Variants in OLA1 observed in about 807,000 individuals in gnomAD.
OLA1 encodes the protein Obg like ATPase 1, also known as obg-like ATPase 1.
A neutral mutation model predicts 48.4 loss-of-function variants in OLA1; 14 were observed. The observed-to-expected ratio is 0.29, with a 90% CI of 0.19 to 0.45. The LOEUF (loss-of-function observed/expected upper bound fraction) is 0.45, where lower values mean the gene tolerates loss of function less well. OLA1 is among the 20% of genes least tolerant of loss of function. The probability of loss-of-function intolerance (pLI) is 1.00; values close to 1 mark genes in which losing one functional copy is unlikely to be tolerated. For missense variants in OLA1, 325 were observed against 467.1 expected (o/e 0.70, Z 2.80); for synonymous variants, 127 against 150.4 (o/e 0.84, Z 1.14).
Position 174,100,832 on chromosome 2 carries a change from T to A in OLA1, c.729-18768A>T, listed in dbSNP as rs562247733. On this transcript the variant is annotated intron_variant, in intron 7 of 10. Transcript: ENST00000284719. ...GTTCCCCTATGCTCCCTTCCATGAATCCTCACCTTCTTTCCAAGTTGCTCT... is the reference window on the plus strand; with the variant it reads ...GTTCCCCTATGCTCCCTTCCATGAAACCTCACCTTCTTTCCAAGTTGCTCT... Among the ~76,000 whole-genome samples, 113 of 152,288 alleles carry A rather than the reference T, an allele frequency of 7.4e-4. 1 individual carries two copies. Among genetic ancestry groups the A allele is most frequent in the Non-Finnish European group, 1.4e-3 (92 of 68,020 alleles).
chr2:174,103,540 A>G (rs1190535352), intron 7 of OLA1, among the ~76,000 whole-genome samples: 1 of 152,196 alleles, frequency 6.6e-6, no homozygotes, highest in African/African-American at 2.4e-5. Flanking sequence ...CCTGTGCTCT[A>G]AACTGTAGAT....
intron 4 of OLA1, among the ~76,000 whole-genome samples, chr2:174,188,102 GACATTAATTCTGCAGAAGT>G (rs1376005310): frequency 2.6e-5 from 4 of 152,108 alleles, no homozygotes; most frequent in African/African-American, 9.7e-5. Flanking sequence ...TGATGGAGAG[GACATTAATTCTGCAGAAGT>G]ACATATGGAC....
intron 4 of OLA1, among the ~76,000 whole-genome samples, chr2:174,220,780 T>G (rs1688482261): frequency 6.6e-6 from 1 of 152,160 alleles, no homozygotes; most frequent in African/African-American, 2.4e-5. Flanking sequence ...TTTTTAAAAA[T>G]TAATCAAATT....
intron 4 of OLA1, among the ~76,000 whole-genome samples, chr2:174,214,138 G>T (rs1688308528): frequency 6.6e-6 from 1 of 151,948 alleles, no homozygotes. Context: ...TTGGAGACTA[G>T]CCTGGCCAAC....
intron 4 of OLA1, among the ~76,000 whole-genome samples, chr2:174,201,653 T>C (rs1033969128): frequency 6.6e-6 from 1 of 152,208 alleles, no homozygotes; most frequent in African/African-American, 2.4e-5. Flanking sequence ...AAAATGGGAA[T>C]AGTACTGCGT....
intron 4 of OLA1, among the ~76,000 whole-genome samples, chr2:174,187,118 T>C (rs4972641): frequency 0.53 from 81,027 of 151,968 alleles, 22,172 homozygotes; most frequent in East Asian, 0.94. Flanking sequence ...ATTCAACAGT[T>C]TGGTTGCAGA....
intron 2 of OLA1, among the ~76,000 whole-genome samples, chr2:174,233,418 G>A (rs988223886): frequency 1.3e-5 from 2 of 152,236 alleles, no homozygotes; most frequent in African/African-American, 4.8e-5. Flanking sequence ...TCTGTCACCC[G>A]GCTAGAGTGC....
intron 5 of OLA1, among the ~76,000 whole-genome samples, chr2:174,133,430 G>A (rs568769867): frequency 7.0e-4 from 106 of 152,230 alleles, no homozygotes; most frequent in Non-Finnish European, 1.1e-3. Flanking sequence ...GCGCAACCTC[G>A]ACTCACTGCA....
intron 7 of OLA1, among the ~76,000 whole-genome samples, chr2:174,108,100 A>G (rs1437241166): frequency 3.3e-5 from 5 of 152,136 alleles, no homozygotes; most frequent in Admixed American, 6.5e-5. Context: ...GCCTTGCCTC[A>G]AAGAACTATG....
chr2:174,140,307 T>C (rs1258118451), intron 5 of OLA1, among the ~76,000 whole-genome samples: 1 of 152,078 alleles, frequency 6.6e-6, no homozygotes, highest in Non-Finnish European at 1.5e-5. Flanking sequence ...AAAAGAAACT[T>C]CCCTACAGTA....
At chr2:174,138,405 T>G (rs1686360361) in intron 5 of OLA1, among the ~76,000 whole-genome samples, 1 of 152,200 alleles carries the variant, frequency 6.6e-6, no homozygotes, top group Non-Finnish European at 1.5e-5. Context: ...TCGACTAAGT[T>G]TGCTGTCTTC....
chr2:174,130,614 T>C (rs1378779798), intron 5 of OLA1, among the ~76,000 whole-genome samples: 1 of 152,196 alleles, frequency 6.6e-6, no homozygotes, highest in Non-Finnish European at 1.5e-5. Flanking sequence ...ACTGTCCCTA[T>C]GATTCCTGAA....
intron 5 of OLA1, among the ~76,000 whole-genome samples, chr2:174,141,063 C>T (rs986216568): frequency 6.6e-6 from 1 of 152,198 alleles, no homozygotes; most frequent in Non-Finnish European, 1.5e-5. Flanking sequence ...TCCCAAGTAG[C>T]TGGGATTACA....
intron 4 of OLA1, among the ~76,000 whole-genome samples, chr2:174,202,066 C>T (rs572846677): frequency 6.6e-6 from 1 of 151,532 alleles, no homozygotes; most frequent in Non-Finnish European, 1.5e-5. Context: ...ACAGATAAAC[C>T]GGGTAACCTA....
At chr2:174,185,093 A>T (rs1472090742) in intron 4 of OLA1, among the ~76,000 whole-genome samples, 18 of 152,134 alleles carry the variant, frequency 1.2e-4, no homozygotes, top group Admixed American at 1.2e-3. Flanking sequence ...GTAGTCATTC[A>T]CAGATTCAGG....
At chr2:174,123,341 A>G in intron 6 of OLA1, 64 bp from the exon 7 acceptor site, 1 of 724,604 alleles carries the variant, frequency 1.4e-6, no homozygotes, top group Non-Finnish European at 2.2e-6. Flanking sequence ...TAAATCACTG[A>G]AGAATTTGAA....
At chr2:174,186,005 A>G (rs1687649658) in intron 4 of OLA1, among the ~76,000 whole-genome samples, 1 of 152,186 alleles carries the variant, frequency 6.6e-6, no homozygotes, top group Non-Finnish European at 1.5e-5. Flanking sequence ...ACACATTTAC[A>G]ATACCAACAA....
In OLA1 at chr2:174,114,172, C is replaced by CAA. The variant is rs33971592; in HGVS notation, c.728+9006_728+9007dup. On this transcript the variant is annotated intron_variant, in intron 7 of 10. Transcript: ENST00000284719. The stretch of plus-strand genomic sequence containing the variant: ...TGAAACCCTGTCTCTACTAAAAATA[C>CAA]AAAAAAAAAAAAAAAAAAAAATTAG... 7.3e-3 allele frequency among the ~76,000 whole-genome samples: 571 copies of CAA among 78,166 alleles called. 5 individuals carry two copies. The highest frequency in any genetic ancestry group is 0.02 in the African/African-American group (346 of 16,940). The allele number at this position is 78,166 out of a possible 152,430, so 51.3% of individuals were successfully genotyped here.
intron 7 of OLA1, among the ~76,000 whole-genome samples, chr2:174,089,795 G>A (rs1403511676): frequency 6.6e-6 from 1 of 151,712 alleles, no homozygotes; most frequent in Non-Finnish European, 1.5e-5. Flanking sequence ...CCAACTACTT[G>A]GAAGGCTGAG....
Sources: gnomAD v4.1 joint callset for allele counts (sites outside exome capture counted in the v4.1 genomes callset) on GRCh38, gnomAD v4.1.1 for gene constraint, MANE v1.5 for transcripts, NCBI Gene and HGNC (gene_info 2026-07-23, HGNC 2026-07-21) for gene names.